UTRN: variants seen among roughly 807,000 people sequenced by gnomAD.
UTRN encodes dystrophin-related protein 1.
A neutral mutation model predicts 463.9 loss-of-function variants in UTRN; 283 were observed. The ratio of observed to expected loss-of-function variants is 0.61; its 90% CI spans 0.55 to 0.67. The LOEUF is 0.67. Ranked by LOEUF, UTRN falls within the 30% of genes least tolerant of loss-of-function variation. The probability of loss-of-function intolerance (pLI) is 0.00; values close to 1 mark genes in which losing one functional copy is unlikely to be tolerated. For synonymous variants in UTRN, 1,442 were observed against 1,431.5 expected, an observed-to-expected ratio of 1.01 and a Z score of -0.17; for missense variants, 3,922 against 4,084.3, an observed-to-expected ratio of 0.96 and a Z score of 1.08.
intron 2 of UTRN, among the ~76,000 whole-genome samples, chr6:144,380,411 G>A (rs547793180): frequency 2.0e-5 from 3 of 152,108 alleles, no homozygotes; most frequent in Non-Finnish European, 4.4e-5. Flanking sequence ...CCTTCCTTTG[G>A]TTTGTCTAAA....
chr6:144,537,619 C>T lies in UTRN; in HGVS notation c.6271C>T (p.His2091Tyr). The change falls in exon 44 of 75, where the codon CAT becomes TAT. Residue 2091 changes from histidine (H) to tyrosine (Y), a missense_variant. His to Tyr is a moderately conservative substitution (Grantham distance 83). This residue lies in a region of UTRN where 2,349 missense variants were observed against 2,303.8 expected (regional missense o/e 1.02). Coordinates refer to ENST00000367545, the MANE Select transcript of UTRN (RefSeq NM_007124.3). ...AAGTAAGCAGGTGATGAAGTACAGG[C>T]ATCAGCTAGATGAGATTATCTGTTG... Reference protein sequence around the residue: ...GESKQVMKYRHQLDEIICWLT... With the variant: ...GESKQVMKYRYQLDEIICWLT... The T allele has an allele frequency of 6.2e-7, 1 of 1,609,468 alleles. No homozygotes were observed. The highest frequency in any genetic ancestry group is 8.5e-7 in the Non-Finnish European group (1 of 1,178,182).
intron 51 of UTRN, among the ~76,000 whole-genome samples, chr6:144,610,863 A>C (rs12212409): frequency 6.6e-6 from 1 of 152,206 alleles, no homozygotes; most frequent in Non-Finnish European, 1.5e-5. Flanking sequence ...GGACAAGAGC[A>C]AGACTTTGTT....
Position 144,641,535 on chromosome 6 carries a change from G to A in UTRN, c.7480-36871G>A, listed in dbSNP as rs150841476. Among the ~76,000 whole-genome samples the A allele has an allele frequency of 3.9e-5, 6 of 152,196 alleles. No individual in the cohort carries two copies. The East Asian group carries it at 7.7e-4, about 20-fold the overall frequency. Reference sequence around the variant, plus strand: ...GCATGTTGACCCCCTCTTCCATCTTGGCCTGAACTAGTTTTTCAGGTTAAC... The same window carrying A: ...GCATGTTGACCCCCTCTTCCATCTTAGCCTGAACTAGTTTTTCAGGTTAAC... On this transcript the variant is annotated intron_variant, in intron 51 of 74. Transcript: ENST00000367545.
intron 60 of UTRN, among the ~76,000 whole-genome samples, chr6:144,776,423 A>G (rs566074355): frequency 1.5e-3 from 221 of 152,280 alleles, no homozygotes; most frequent in African/African-American, 5.0e-3. Context: ...ATTATGTGCA[A>G]ATCTCCACCC....
intron 51 of UTRN, among the ~76,000 whole-genome samples, chr6:144,673,887 C>T (rs567423454): frequency 7.2e-5 from 11 of 152,164 alleles, no homozygotes; most frequent in African/African-American, 1.4e-4. Flanking sequence ...GACTTTATCT[C>T]GGCTTAATTT....
chr6:144,400,656 GT>G (rs1782862386), intron 2 of UTRN, among the ~76,000 whole-genome samples: 1 of 152,120 alleles, frequency 6.6e-6, no homozygotes, highest in Non-Finnish European at 1.5e-5. Context: ...ATGCAAACTA[GT>G]CTTTGAAATA....
At chr6:144,376,947 AC>A (rs1318545202) in intron 2 of UTRN, among the ~76,000 whole-genome samples, 7 of 152,140 alleles carry the variant, frequency 4.6e-5, no homozygotes, top group African/African-American at 1.7e-4. Context: ...AAAAATATGC[AC>A]CCTGTTTGTC....
At chr6:144,543,817 T>C (rs909291181) in intron 46 of UTRN, among the ~76,000 whole-genome samples, 3 of 152,170 alleles carry the variant, frequency 2.0e-5, no homozygotes, top group Non-Finnish European at 4.4e-5. Flanking sequence ...ATATATTTTT[T>C]TTCATTTTTC....
chr6:144,394,145 A>G (rs1782186767), intron 2 of UTRN, among the ~76,000 whole-genome samples: 1 of 152,134 alleles, frequency 6.6e-6, no homozygotes, highest in African/African-American at 2.4e-5. Context: ...GAATGTCATC[A>G]TTGGCTTTTA....
intron 65 of UTRN, among the ~76,000 whole-genome samples, chr6:144,816,219 A>G (rs1048671913): frequency 6.6e-6 from 1 of 152,222 alleles, no homozygotes; most frequent in Admixed American, 6.5e-5. Context: ...CTGTAGGGAA[A>G]TGGCAGGTGT....
chr6:144,475,841 T>C (rs1791136131), intron 25 of UTRN, among the ~76,000 whole-genome samples: 1 of 152,056 alleles, frequency 6.6e-6, no homozygotes, highest in Admixed American at 6.6e-5. Flanking sequence ...TTTGGGAGGC[T>C]GAGGTGGGTG....
At chr6:144,760,127 G>T (rs1040601454) in intron 58 of UTRN, among the ~76,000 whole-genome samples, 2 of 151,810 alleles carry the variant, frequency 1.3e-5, no homozygotes, top group African/African-American at 4.8e-5. Flanking sequence ...TATATGTTTA[G>T]GTTAATTATA....
chr6:144,790,282 A>G (rs1269680924), intron 62 of UTRN, among the ~76,000 whole-genome samples: 1 of 152,232 alleles, frequency 6.6e-6, no homozygotes, highest in East Asian at 1.9e-4. Context: ...GATTCTTTAC[A>G]GATAAATCCA....
chr6:144,556,306 A>G (rs1202843463), intron 49 of UTRN, among the ~76,000 whole-genome samples: 1 of 152,196 alleles, frequency 6.6e-6, no homozygotes, highest in Non-Finnish European at 1.5e-5. Flanking sequence ...AGTTATATGC[A>G]TTTCTGGATC....
At chr6:144,564,759 A>C (rs1800250236) in intron 50 of UTRN, among the ~76,000 whole-genome samples, 1 of 152,278 alleles carries the variant, frequency 6.6e-6, no homozygotes, top group East Asian at 1.9e-4. Context: ...AACCATCCCC[A>C]TTATCCAATT....
At chr6:144,543,211 G>C (rs2128607683) in intron 46 of UTRN, among the ~76,000 whole-genome samples, 1 of 152,266 alleles carries the variant, frequency 6.6e-6, no homozygotes, top group South Asian at 2.1e-4. Flanking sequence ...CAGGAAATCA[G>C]CTATAACTTG....
At chr6:144,775,938 C>T (rs541053230) in intron 60 of UTRN, among the ~76,000 whole-genome samples, 91 of 152,274 alleles carry the variant, frequency 6.0e-4, no homozygotes, top group African/African-American at 2.0e-3. Flanking sequence ...CTAAACTAAA[C>T]GAGATTGGTA....
intron 41 of UTRN, among the ~76,000 whole-genome samples, chr6:144,529,120 C>A (rs1466544455): frequency 6.6e-6 from 1 of 152,120 alleles, no homozygotes; most frequent in Non-Finnish European, 1.5e-5. Context: ...TCCATGCAGC[C>A]CACGGCCCAA....
chr6:144,777,920 T>C (rs1172763578), intron 60 of UTRN, among the ~76,000 whole-genome samples: 1 of 152,222 alleles, frequency 6.6e-6, no homozygotes, highest in Admixed American at 6.5e-5. Context: ...ATCCAGAAAT[T>C]TCCTTAAAGT....
Sources: gnomAD v4.1 joint callset for allele counts (sites outside exome capture counted in the v4.1 genomes callset) on GRCh38, gnomAD v4.1.1 for gene constraint, gnomAD v4.1.1 regional missense constraint, MANE v1.5 for transcripts, NCBI Gene and HGNC (gene_info 2026-07-23, HGNC 2026-07-21) for gene names.